The following CCP110 variants were observed in gnomAD, a reference collection of about 807,000 sequenced individuals.
CCP110 encodes centriolar coiled-coil protein 110, also known as centriolar coiled-coil protein of 110 kDa.
In CCP110, 43 loss-of-function variants were observed where a neutral mutation model predicts 105.5. The observed-to-expected ratio is 0.41, with a 90% confidence interval of 0.32 to 0.53. The LOEUF (loss-of-function observed/expected upper bound fraction) is 0.53. Ranked by LOEUF, CCP110 falls within the 20% of genes least tolerant of loss-of-function variation. The pLI, the probability that CCP110 is intolerant of heterozygous loss-of-function variation, is 0.32. For synonymous variants in CCP110, 353 were observed against 392.1 expected (o/e 0.90, Z 1.18); for missense variants, 1,016 against 1,189.1 (o/e 0.85, Z 2.14).
intron 12 of CCP110, chr16:19,546,691 T>G (rs541198204): frequency 3.7e-5 from 13 of 355,846 alleles, no homozygotes; most frequent in Non-Finnish European, 6.8e-5. Flanking sequence ...GGCACATGCC[T>G]GTAATCCCAG....
At chr16:19,531,503 A>C (rs1249661351) in intron 2 of CCP110, among the ~76,000 whole-genome samples, 1 of 152,252 alleles carries the variant, frequency 6.6e-6, no homozygotes, top group Non-Finnish European at 1.5e-5. Context: ...TTTTATCAGA[A>C]GGTAGAGTGA....
chr16:19,534,531 T>A lies in CCP110; in HGVS notation c.271-1409T>A, dbSNP rs573007025. Among the ~76,000 whole-genome samples, 2 of 152,336 alleles carry A rather than the reference T, an allele frequency of 1.3e-5. 1 individual carries two copies. The highest frequency in any genetic ancestry group is 3.9e-4 in the East Asian group (2 of 5,184). On this transcript the variant is annotated intron_variant, in intron 3 of 14. Transcript: ENST00000381396. ...TTCCGAATATCACAAATGTGAAATA[T>A]TTTACGTAAGGAAATCATCTGTTTT...
At chr16:19,551,144 A>G in intron 14 of CCP110, 52 bp from the exon 14 acceptor site, 1 of 1,046,618 alleles carries the variant, frequency 9.6e-7, no homozygotes, top group Non-Finnish European at 1.5e-6. Context: ...AAATGGTATC[A>G]TTATAGAAAA....
At chr16:19,525,396 A>G (rs1345993361) in intron 1 of CCP110, 1 of 152,260 alleles carries the variant, frequency 6.6e-6, no homozygotes, top group Non-Finnish European at 1.5e-5. Flanking sequence ...GATATAGAGC[A>G]GTAGATTTGT....
chr16:19,526,068 G>C (rs1035601190), intron 1 of CCP110: 6 of 152,236 alleles, frequency 3.9e-5, no homozygotes, highest in Non-Finnish European at 8.8e-5. Flanking sequence ...AATGAGTAAT[G>C]CGTTGTCATA....
chr16:19,535,444 G>A (rs1361595863), intron 3 of CCP110, among the ~76,000 whole-genome samples: 1 of 152,134 alleles, frequency 6.6e-6, no homozygotes, highest in African/African-American at 2.4e-5. Context: ...CTTAATCAAT[G>A]TCCTGGACAA....
chr16:19,533,712 C>CG (rs1567351572), intron 3 of CCP110, among the ~76,000 whole-genome samples: 1 of 152,072 alleles, frequency 6.6e-6, no homozygotes, highest in Non-Finnish European at 1.5e-5. Context: ...GGTCTTTGTC[C>CG]GTATCTTGTC....
chr16:19,542,324 G>T lies in CCP110; in HGVS notation c.2227+260G>T, dbSNP rs1358927344. On this transcript the variant is annotated intron_variant, in intron 6 of 14. Coordinates refer to ENST00000381396, the Ensembl canonical transcript of CCP110. Reference sequence around the variant, plus strand: ...CCCAGTCTGATCATTCATGCAGCAGGTGATATACTTCAAGTGAAAACAGTT... The same window carrying T: ...CCCAGTCTGATCATTCATGCAGCAGTTGATATACTTCAAGTGAAAACAGTT... Among the ~76,000 whole-genome samples, 5 of 152,296 alleles carry T rather than the reference G, an allele frequency of 3.3e-5. No homozygotes were observed. The East Asian group carries it at 9.6e-4, about 29-fold the overall frequency.
intron 8 of CCP110, among the ~76,000 whole-genome samples, chr16:19,544,476 A>G (rs1176967335): frequency 6.6e-6 from 1 of 152,240 alleles, no homozygotes; most frequent in Non-Finnish European, 1.5e-5. Flanking sequence ...GAACATGTAC[A>G]AATTTTTTTT....
exon 4 of CCP110, chr16:19,537,167 G>A (rs1049791892): frequency 1.2e-6 from 2 of 1,614,198 alleles, no homozygotes; most frequent in Admixed American, 3.3e-5. Context: ...TACCTGTGCT[G>A]CGATGCCAAA....
intron 14 of CCP110, among the ~76,000 whole-genome samples, chr16:19,550,450 G>A (rs937039348): frequency 6.6e-6 from 1 of 152,188 alleles, no homozygotes; most frequent in African/African-American, 2.4e-5. Flanking sequence ...ACCGCGTCCA[G>A]CCAGAATTGT....
At chr16:19,552,725 A>C (rs1006863549) in exon 15 of CCP110, 1 of 152,172 alleles carries the variant, frequency 6.6e-6, no homozygotes, top group Admixed American at 6.5e-5. Context: ...CAACCTATAT[A>C]TATTCTTAAT....
At chr16:19,531,965 CAA>C (rs35419402) in intron 2 of CCP110, among the ~76,000 whole-genome samples, 8 of 80,058 alleles carry the variant, frequency 1.0e-4, no homozygotes, top group Admixed American at 3.8e-4. Flanking sequence ...GACTCCATCT[CAA>C]AAAAAAAAAA....
At position 19,541,821 on chromosome 16, in the gene CCP110, A is replaced by C. The variant is rs74572360; in HGVS notation, c.2050-66A>C. 2.8e-3 allele frequency: 2,599 copies of C among 931,306 alleles called. 63 individuals carry two copies. The African/African-American group carries it at 0.037, about 13-fold the overall frequency. The allele number at this position is 931,306 out of a possible 1,614,324, so 57.7% of individuals were successfully genotyped here. A position where few individuals can be genotyped will look rare whatever the true frequency, so the allele number is the denominator to read the frequency against. Reference sequence around the variant, plus strand: ...ATTACATGTACTTTTGGCTAAGCCTAAAATGATATCATTTTGGGACATAAT... The same window carrying C: ...ATTACATGTACTTTTGGCTAAGCCTCAAATGATATCATTTTGGGACATAAT... On this transcript the variant is annotated intron_variant, in intron 5 of 14. Transcript: ENST00000381396.
At chr16:19,541,551 G>T (rs963428207) in intron 5 of CCP110, among the ~76,000 whole-genome samples, 2 of 151,722 alleles carry the variant, frequency 1.3e-5, no homozygotes, top group African/African-American at 4.8e-5. Context: ...ACTTGAACCC[G>T]CAAGGTGGAG....
chr16:19,551,488 C>CCTG, exon 15 of CCP110: 2 of 517,004 alleles, frequency 3.9e-6, no homozygotes, highest in Non-Finnish European at 6.9e-6. Context: ...CATCTCTGTG[C>CCTG]TTACCTATAC....
At chr16:19,543,457 C>A (rs1970356991) in intron 8 of CCP110, among the ~76,000 whole-genome samples, 1 of 152,066 alleles carries the variant, frequency 6.6e-6, no homozygotes, top group Non-Finnish European at 1.5e-5. Context: ...AAATTGATTG[C>A]AAAACATGTG....
In CCP110 at chr16:19,532,564, T is replaced by G. The variant is rs1225485227; in HGVS notation, c.270+20T>G. 1 of 1,558,042 alleles carries G rather than the reference T, an allele frequency of 6.4e-7. No individual in the cohort carries two copies. Among genetic ancestry groups the G allele is most frequent in the Non-Finnish European group, 8.6e-7 (1 of 1,157,826 alleles). On this transcript the variant is annotated intron_variant, in intron 3 of 14. Transcript: ENST00000381396. ...GTTCAGGTGTGTGATTTTAGCTGTTTCAGTTATAATAAAGAAATCATAAGA... is the reference window on the plus strand; with the variant it reads ...GTTCAGGTGTGTGATTTTAGCTGTTGCAGTTATAATAAAGAAATCATAAGA...
At chr16:19,544,981 C>T in intron 9 of CCP110, 83 bp downstream of exon 9, 1 of 1,001,138 alleles carries the variant, frequency 1.0e-6, no homozygotes, top group Non-Finnish European at 1.5e-6. Flanking sequence ...AAATAGGTTT[C>T]AATGAAAACT....
Sources: allele counts gnomAD v4.1 joint callset (sites outside exome capture counted in the v4.1 genomes callset), GRCh38; gene constraint gnomAD v4.1.1; transcripts MANE v1.5; gene names NCBI Gene and HGNC (gene_info 2026-07-23, HGNC 2026-07-21).